CDH23: variants seen among roughly 807,000 people sequenced by gnomAD.
CDH23 encodes the protein cadherin-23.
CDH23 carries 189 observed loss-of-function variants against 317.1 expected under a neutral mutation model. That is an observed-to-expected ratio of 0.60 (90% CI 0.53 to 0.67). CDH23 has a LOEUF of 0.67. CDH23 is among the 30% of genes least tolerant of loss of function. The pLI is 0.00. For missense variants in CDH23, 4,401 were observed against 4,592.4 expected (o/e 0.96, Z 1.20); for synonymous variants, 1,839 against 1,876.8 (o/e 0.98, Z 0.52).
At chr10:71,510,445 A>G (rs1202831940) in intron 4 of CDH23, among the ~76,000 whole-genome samples, 1 of 152,122 alleles carries the variant, frequency 6.6e-6, no homozygotes, top group African/African-American at 2.4e-5. Context: ...GCAAGCAGCT[A>G]CATTGGAGAG....
chr10:71,578,134 T>G, intron 9 of CDH23, 142 bp downstream of exon 9: 1 of 795,992 alleles, frequency 1.3e-6, no homozygotes, highest in Non-Finnish European at 2.1e-6. Context: ...ACAGGGACAG[T>G]CCTCGCCAAA....
intron 3 of CDH23, among the ~76,000 whole-genome samples, chr10:71,498,064 G>T (rs1328865042): frequency 6.6e-6 from 1 of 152,166 alleles, no homozygotes; most frequent in East Asian, 1.9e-4. Flanking sequence ...ATTGTTTTCA[G>T]TTCTCCTCGT....
At chr10:71,524,704 T>C (rs186702091) in intron 6 of CDH23, among the ~76,000 whole-genome samples, 1 of 152,046 alleles carries the variant, frequency 6.6e-6, no homozygotes, top group East Asian at 1.9e-4. Flanking sequence ...AAGAAGCAGG[T>C]AGGAGGGTCA....
chr10:71,696,896 C>G (rs2132720069), intron 22 of CDH23, among the ~76,000 whole-genome samples: 1 of 152,364 alleles, frequency 6.6e-6, no homozygotes, highest in Non-Finnish European at 1.5e-5. Flanking sequence ...CTCTCTGCTG[C>G]CGCCTTGTGG....
chr10:71,570,527 T>C (rs1857719989), intron 7 of CDH23, among the ~76,000 whole-genome samples: 1 of 152,240 alleles, frequency 6.6e-6, no homozygotes. Context: ...TAACACTGGA[T>C]AAGCTGCCTT....
At chr10:71,721,761 G>A (rs938320402) in intron 28 of CDH23, among the ~76,000 whole-genome samples, 6 of 152,204 alleles carry the variant, frequency 3.9e-5, no homozygotes, top group Non-Finnish European at 7.3e-5. Context: ...TCCCTGTCCT[G>A]TGGAGGTTCC....
At chr10:71,800,464 G>T (rs895602152) in intron 52 of CDH23, among the ~76,000 whole-genome samples, 172 bp from the exon 53 acceptor site, 1 of 152,186 alleles carries the variant, frequency 6.6e-6, no homozygotes, top group African/African-American at 2.4e-5. Context: ...GTAGGTTGGG[G>T]TAGTGAGAGC....
In CDH23 at chr10:71,397,332, CG is replaced by C. The variant is rs1426283394; in HGVS notation, c.-6+15del. On this transcript the variant is annotated intron_variant, in intron 1 of 69. Coordinates refer to ENST00000224721, the MANE Select transcript of CDH23 (RefSeq NM_022124.6). The surrounding 1 kb of genome is among the most constrained non-coding windows in gnomAD (Gnocchi z 4.8). ...CACACGCACACGGTACCCGGAGCCACGCACCGCCTCTTCCCTCCTCGCTTCC... is the reference window on the plus strand; with the variant it reads ...CACACGCACACGGTACCCGGAGCCACCACCGCCTCTTCCCTCCTCGCTTCC... 6.5e-6 allele frequency: 1 copy of C among 153,472 alleles called. No individual in the cohort carries two copies. Among genetic ancestry groups the C allele is most frequent in the Non-Finnish European group, 1.5e-5 (1 of 68,374 alleles). 9.5% of individuals were successfully genotyped at this position (153,472 alleles called of 1,614,324 possible).
chr10:71,682,536 T>A lies in CDH23; in HGVS notation c.1950T>A (p.Pro650=). The A allele has an allele frequency of 1.2e-6, 2 of 1,613,664 alleles. No homozygotes were observed. Among genetic ancestry groups the A allele is most frequent in the Non-Finnish European group, 1.7e-6 (2 of 1,179,786 alleles). Residue 650 remains proline, a synonymous_variant, in exon 18 of 70, where the codon CCT becomes CCA. Transcript: ENST00000224721. ...TGGCCATGGATGCTGGCAACCCCCC[T>A]CTCAACAGCACCGTCCCTGTCACCA... is the stretch of plus-strand genomic sequence containing the variant. ...TVMAMDAGNP[P]LNSTVPVTIE...
At chr10:71,688,757 G>A (rs1865026277) in intron 19 of CDH23, among the ~76,000 whole-genome samples, 1 of 142,924 alleles carries the variant, frequency 7.0e-6, no homozygotes, top group Admixed American at 6.9e-5. Flanking sequence ...CAGGGGTGGT[G>A]GAGCCAGGGA....
At chr10:71,601,963 G>T (rs577562752) in intron 9 of CDH23, among the ~76,000 whole-genome samples, 28 of 45,080 alleles carry the variant, frequency 6.2e-4, no homozygotes, top group Non-Finnish European at 8.1e-4. Context: ...GGCGGCGGAG[G>T]GGGGGGGGCT....
At chr10:71,718,330 T>G (rs1297755002) in intron 28 of CDH23, among the ~76,000 whole-genome samples, 1 of 152,182 alleles carries the variant, frequency 6.6e-6, no homozygotes, top group African/African-American at 2.4e-5. Flanking sequence ...CCCAGCCAAC[T>G]GAGGGCATGC....
At position 71,799,570 on chromosome 10, in the gene CDH23, G is replaced by T; in HGVS notation, c.7303G>T (p.Ala2435Ser). The T allele has an allele frequency of 6.2e-7, 1 of 1,614,076 alleles. No individual in the cohort carries two copies. Among genetic ancestry groups the T allele is most frequent in the Non-Finnish European group, 8.5e-7 (1 of 1,179,906 alleles). ...CACTGATGCTGACTCAGGCAACTTT[G>T]CACTCATTGAGTACAGCCTTGGAGA... Reference protein sequence around the residue: ...TATDADSGNFALIEYSLGDGE... With the variant: ...TATDADSGNFSLIEYSLGDGE... The change falls in exon 52 of 70, where the codon GCA becomes TCA. Residue 2435 changes from alanine (A) to serine (S), a missense_variant. By Grantham distance (99) the Ala-to-Ser change is moderately conservative. This residue lies in a region of CDH23 where 189 missense variants were observed against 250.9 expected (regional missense o/e 0.75). Transcript: ENST00000224721.
chr10:71,730,650 A>G, intron 31 of CDH23, 46 bp downstream of exon 31: 1 of 1,608,482 alleles, frequency 6.2e-7, no homozygotes, highest in Non-Finnish European at 8.5e-7. Flanking sequence ...CTCAGAGCAA[A>G]CCTCCCCAGC....
chr10:71,442,355 T>C (rs1252878585), intron 2 of CDH23, among the ~76,000 whole-genome samples: 1 of 152,134 alleles, frequency 6.6e-6, no homozygotes, highest in Non-Finnish European at 1.5e-5. Context: ...TGGCTGACTT[T>C]AGAGACTAGG....
chr10:71,790,288 G>A lies in CDH23; in HGVS notation c.5924G>A (p.Gly1975Asp), dbSNP rs1490687766. The A allele has an allele frequency of 2.5e-6, 4 of 1,613,664 alleles. No homozygotes were observed. Among genetic ancestry groups the A allele is most frequent in the South Asian group, 1.1e-5 (1 of 91,076 alleles). ...QAEVMENSPA[G>D]TPLTVLNGPI... Reference sequence around the variant, plus strand: ...GGTGACCCCTCTCCTTCTGGCCCAGGCACCCCTCTCACGGTGCTCAATGGG... The same window carrying A: ...GGTGACCCCTCTCCTTCTGGCCCAGACACCCCTCTCACGGTGCTCAATGGG... The change falls in exon 46 of 70, where the codon GGC (glycine) becomes GAC (aspartate). Residue 1975 changes from glycine to aspartate, a missense_variant and splice_region_variant. Coordinates refer to ENST00000224721, the MANE Select transcript of CDH23 (RefSeq NM_022124.6).
At chr10:71,580,080 C>T (rs984789547) in intron 9 of CDH23, among the ~76,000 whole-genome samples, 4 of 152,234 alleles carry the variant, frequency 2.6e-5, no homozygotes, top group Non-Finnish European at 4.4e-5. Context: ...TCCTCCAGGG[C>T]GCTGGCCCAT....
At chr10:71,572,371 C>T (rs12049712) in intron 8 of CDH23, among the ~76,000 whole-genome samples, 17,102 of 152,124 alleles carry the variant, frequency 0.11, 1,156 homozygotes, top group East Asian at 0.28. Context: ...GAGGCAGGGC[C>T]CACAATCTGC....
In CDH23 at chr10:71,739,573, G is replaced by A. The variant is rs78010661; in HGVS notation, c.4360-71G>A. On this transcript the variant is annotated intron_variant, in intron 35 of 69. Coordinates refer to ENST00000224721, the MANE Select transcript of CDH23 (RefSeq NM_022124.6). ...CACGTGGGCAGAGGAGGACCAGGGA[G>A]TCCCCCTTGGCTTGACCTGGCCACC... 0.015 allele frequency: 22,811 copies of A among 1,554,734 alleles called. 1,711 individuals carry two copies. In the East Asian group the frequency reaches 0.2, roughly 14 times the overall value.
Sources: gnomAD v4.1 joint callset for allele counts (sites outside exome capture counted in the v4.1 genomes callset) on GRCh38, gnomAD v4.1.1 for gene constraint, gnomAD v4.1.1 regional missense constraint, Gnocchi (gnomAD v3.1) non-coding constraint, MANE v1.5 for transcripts, NCBI Gene and HGNC (gene_info 2026-07-23, HGNC 2026-07-21) for gene names.